WDR43: variants seen among roughly 807,000 people sequenced by gnomAD.
WDR43 encodes the protein WD repeat domain 43, also known as WD repeat-containing protein 43.
In WDR43, 13 loss-of-function variants were observed where a neutral mutation model predicts 91.4. The ratio of observed to expected loss-of-function variants is 0.14; its 90% confidence interval spans 0.09 to 0.23. WDR43 has a LOEUF of 0.23. Ranked by LOEUF, WDR43 falls within the 10% of genes least tolerant of loss-of-function variation. The pLI is 1.00. For missense variants in WDR43, 780 were observed against 809.4 expected (o/e 0.96, Z 0.44); for synonymous variants, 331 against 287.9 (o/e 1.15, Z -1.51).
intron 1 of WDR43, 178 bp downstream of exon 1, chr2:28,895,101 C>G: frequency 1.8e-6 from 1 of 541,984 alleles, no homozygotes; most frequent in Non-Finnish European, 2.7e-6. Flanking sequence ...CGGCCTGCCG[C>G]GAGGGCAGTG....
At chr2:28,944,635 G>A (rs528423796) in intron 16 of WDR43, among the ~76,000 whole-genome samples, 1 of 152,354 alleles carries the variant, frequency 6.6e-6, no homozygotes. Context: ...GCCTGGAGTT[G>A]AGATCGAGTT....
intron 2 of WDR43, among the ~76,000 whole-genome samples, chr2:28,903,868 G>C (rs752545560): frequency 1.3e-5 from 2 of 152,024 alleles, no homozygotes; most frequent in African/African-American, 4.8e-5. Flanking sequence ...GCAGTAGTGC[G>C]GTCTCAGCTC....
intron 11 of WDR43, among the ~76,000 whole-genome samples, chr2:28,932,227 G>A (rs754514891): frequency 1.3e-5 from 2 of 151,904 alleles, no homozygotes; most frequent in African/African-American, 4.8e-5. Context: ...GCAGTGGTGC[G>A]GTCTCAGCTC....
intron 2 of WDR43, 26 bp downstream of exon 2, chr2:28,902,150 A>C: frequency 6.5e-7 from 1 of 1,531,016 alleles, no homozygotes; most frequent in Non-Finnish European, 8.8e-7. Context: ...TTTTATTTAA[A>C]AGTGATGTGA....
intron 3 of WDR43, among the ~76,000 whole-genome samples, chr2:28,907,988 G>A (rs931722647): frequency 6.6e-6 from 1 of 152,148 alleles, no homozygotes; most frequent in African/African-American, 2.4e-5. Context: ...TGTCAGCAAT[G>A]TGTAGAGTTT....
chr2:28,937,635 A>G (rs1671360086), intron 13 of WDR43, among the ~76,000 whole-genome samples: 1 of 152,196 alleles, frequency 6.6e-6, no homozygotes, highest in Non-Finnish European at 1.5e-5. Context: ...TACTGCCCTC[A>G]TATCAGTTAA....
intron 7 of WDR43, among the ~76,000 whole-genome samples, chr2:28,924,059 T>TA (rs1386602170): frequency 6.6e-6 from 1 of 152,182 alleles, no homozygotes; most frequent in Non-Finnish European, 1.5e-5. Context: ...ATGAGATGCT[T>TA]ACACCTGGGA....
intron 3 of WDR43, among the ~76,000 whole-genome samples, chr2:28,910,695 AAT>A (rs1670780339): frequency 2.7e-5 from 4 of 146,538 alleles, no homozygotes; most frequent in African/African-American, 5.0e-5. Context: ...ATATATATAT[AAT>A]TATTATTTTT....
chr2:28,904,158 G>A lies in WDR43; in HGVS notation c.363+2034G>A, dbSNP rs187946757. The stretch of plus-strand genomic sequence containing the variant: ...CTTACAAGATTGTAAATACATCTTC[G>A]ACAGGGATGAATTTATCAAAAAGGA... On this transcript the variant is annotated intron_variant, in intron 2 of 17. Transcript: ENST00000407426. Among the ~76,000 whole-genome samples, 181 of 152,080 alleles carry A rather than the reference G, an allele frequency of 1.2e-3. 1 individual carries two copies. Among genetic ancestry groups the A allele is most frequent in the African/African-American group, 4.1e-3 (171 of 41,468 alleles).
intron 3 of WDR43, 126 bp from the exon 4 acceptor site, chr2:28,912,461 GAAT>G: frequency 1.8e-6 from 2 of 1,117,030 alleles, no homozygotes; most frequent in Non-Finnish European, 2.6e-6. Flanking sequence ...AGCTTTTAGG[GAAT>G]GTAATTGTCA....
At chr2:28,930,010 A>G (rs1009360913) in intron 11 of WDR43, 2 of 518,878 alleles carry the variant, frequency 3.9e-6, no homozygotes, top group Admixed American at 2.3e-5. Context: ...GTGTAGCTGA[A>G]TGATAATACT....
rs1348453659 is a variant in WDR43, at chr2:28,947,012, A to G, written c.*233A>G. 3.7e-5 allele frequency: 15 copies of G among 402,140 alleles called. No homozygotes were observed. Among genetic ancestry groups the G allele is most frequent in the African/African-American group, 3.1e-4 (15 of 48,974 alleles). The allele number at this position is 402,140 out of a possible 1,614,324, so 24.9% of individuals were successfully genotyped here. A position where few individuals can be genotyped will look rare whatever the true frequency, so the allele number is the denominator to read the frequency against. On this transcript the variant is annotated 3_prime_UTR_variant, in exon 18 of 18. Transcript: ENST00000407426. ...TATATAGACACATTTTCTGCAATGT[A>G]CTGACATCAGTGTCCAATATATGGT...
At position 28,920,000 on chromosome 2, in the gene WDR43, T is replaced by C. The variant is rs577946141; in HGVS notation, c.849+2005T>C. ...GAATTATAGACTGCGCTACCATGCC[T>C]GGCGAATTTTTGTACTTTAGTAGAG... On this transcript the variant is annotated intron_variant, in intron 6 of 17. Coordinates refer to ENST00000407426, the MANE Select transcript of WDR43 (RefSeq NM_015131.3). Among the ~76,000 whole-genome samples the C allele has an allele frequency of 2.6e-5, 4 of 151,982 alleles. No homozygotes were observed. In the East Asian group the frequency reaches 7.8e-4, roughly 30 times the overall value.
chr2:28,925,178 A>C (rs1465364454), intron 8 of WDR43, 25 bp downstream of exon 8: 1 of 1,592,110 alleles, frequency 6.3e-7, no homozygotes, highest in Admixed American at 1.8e-5. Flanking sequence ...CTCTGGAGTA[A>C]AGCAATATAG....
intron 8 of WDR43, among the ~76,000 whole-genome samples, chr2:28,925,641 G>C (rs4666138): frequency 0.72 from 110,087 of 152,184 alleles, 39,928 homozygotes; most frequent in East Asian, 0.85. Context: ...TTGTTTACTA[G>C]AGACGTTTCT....
At chr2:28,909,781 G>A (rs915229230) in intron 3 of WDR43, among the ~76,000 whole-genome samples, 1 of 152,200 alleles carries the variant, frequency 6.6e-6, no homozygotes, top group Non-Finnish European at 1.5e-5. Context: ...GGCTGGGGCA[G>A]GAGGGTCACT....
chr2:28,895,145 A>G, intron 1 of WDR43: 1 of 377,612 alleles, frequency 2.6e-6, no homozygotes, highest in South Asian at 1.2e-4. Flanking sequence ...CCGGCCTCGT[A>G]TCCGAGCCCT....
intron 2 of WDR43, 119 bp from the exon 3 acceptor site, chr2:28,906,341 G>A (rs1026404739): frequency 2.0e-6 from 2 of 995,284 alleles, no homozygotes; most frequent in African/African-American, 3.3e-5. Context: ...CCACGTGTGG[G>A]CCAGGAGCAC....
rs752267454 is a variant in WDR43 at position 28,894,845 on chromosome 2, C to T, written c.147C>T (p.His49=). Residue 49 remains histidine (H), a synonymous_variant, in exon 1 of 18, where the codon CAC becomes CAT. Transcript: ENST00000407426. ...GGGAGACGGCCAACAACCGGCTGCA[C>T]CAGGAGTACGTGCCTTCCGCGCACC... ...RVWETANNRL[H]QEYVPSAHLS... is the part of the protein sequence containing the mutation. 52 of 1,610,952 alleles carry T rather than the reference C, an allele frequency of 3.2e-5. No individual in the cohort carries two copies. Among genetic ancestry groups the T allele is most frequent in the Non-Finnish European group, 4.2e-5 (50 of 1,178,806 alleles).
Sources: allele counts gnomAD v4.1 joint callset (sites outside exome capture counted in the v4.1 genomes callset), GRCh38; gene constraint gnomAD v4.1.1; transcripts MANE v1.5; gene names NCBI Gene and HGNC (gene_info 2026-07-23, HGNC 2026-07-21).